The following PRMT8 variants were observed in gnomAD, a reference collection of about 807,000 sequenced individuals.
The protein encoded by PRMT8 is protein arginine N-methyltransferase 8.
In PRMT8, 7 loss-of-function variants were observed where a neutral mutation model predicts 47.1. The ratio of observed to expected loss-of-function variants is 0.15; its 90% CI spans 0.08 to 0.28. The LOEUF (loss-of-function observed/expected upper bound fraction) is 0.28, where lower values mean the gene tolerates loss of function less well. Among genes scored for constraint, PRMT8 ranks in the 10% least tolerant of loss-of-function variants. The probability of loss-of-function intolerance (pLI) is 1.00; values close to 1 mark genes in which losing one functional copy is unlikely to be tolerated. For missense variants in PRMT8, 237 were observed against 505.4 expected, an observed-to-expected ratio of 0.47 and a Z score of 5.09; for synonymous variants, 188 against 186.5, an observed-to-expected ratio of 1.01 and a Z score of -0.07.
At chr12:3,425,474 A>G (rs1167453658) in intron 1 of PRMT8, among the ~76,000 whole-genome samples, 1 of 152,236 alleles carries the variant, frequency 6.6e-6, no homozygotes, top group Admixed American at 6.5e-5. Context: ...TCTCTTTGAC[A>G]CAGATAGTGT....
At chr12:3,582,425 G>A (rs1867084581) in intron 7 of PRMT8, among the ~76,000 whole-genome samples, 1 of 152,176 alleles carries the variant, frequency 6.6e-6, no homozygotes, top group Non-Finnish European at 1.5e-5. Flanking sequence ...AAAATGGCCA[G>A]CAGAACTTTC....
In PRMT8 at chr12:3,570,142, GCT is replaced by G; in HGVS notation, c.712+580_712+581del. Among the ~76,000 whole-genome samples, 1 of 152,260 alleles carries G rather than the reference GCT, an allele frequency of 6.6e-6. No homozygotes were observed. Among genetic ancestry groups the G allele is most frequent in the East Asian group, 1.9e-4 (1 of 5,174 alleles). On this transcript the variant is annotated intron_variant, in intron 6 of 9. Transcript: ENST00000382622. The surrounding 1 kb of genome is among the most constrained non-coding windows in gnomAD (Gnocchi z 5.5). ...GTGTGCATGTGTGCATGAGGCAGGG[GCT>G]CGTATCTAAACATGTATTCTTAATG... is the stretch of plus-strand genomic sequence containing the variant.
At chr12:3,581,354 A>C (rs1198704221) in intron 7 of PRMT8, among the ~76,000 whole-genome samples, 8 of 152,168 alleles carry the variant, frequency 5.3e-5, no homozygotes, top group Non-Finnish European at 8.8e-5. Flanking sequence ...GAAGTTACAG[A>C]GGGATGAGTG....
intron 1 of PRMT8, among the ~76,000 whole-genome samples, chr12:3,393,105 G>A (rs1440466507): frequency 6.6e-6 from 1 of 152,066 alleles, no homozygotes; most frequent in Non-Finnish European, 1.5e-5. Context: ...TATAGATTCT[G>A]GATATTAGCC....
intron 6 of PRMT8, chr12:3,574,080 A>C (rs1291564940): frequency 6.6e-6 from 1 of 152,216 alleles, no homozygotes; most frequent in East Asian, 1.9e-4. Flanking sequence ...ACCCATATAA[A>C]GGTAACTAAA....
Position 3,452,720 on chromosome 12 carries a change from C to A in PRMT8, c.48+71278C>A, listed in dbSNP as rs139193502. Among the ~76,000 whole-genome samples the A allele has an allele frequency of 2.0e-3, 297 of 152,304 alleles. 1 individual carries two copies. Among genetic ancestry groups the A allele is most frequent in the African/African-American group, 7.0e-3 (292 of 41,574 alleles). The stretch of plus-strand genomic sequence containing the variant: ...GCCTCTTCCCAGGACTTCTGCCTCA[C>A]CAGGTTGGGCTTCTCAGGTCAGGCC... On this transcript the variant is annotated intron_variant, in intron 1 of 9. Coordinates refer to the PRMT8 transcript ENST00000452611.
intron 1 of PRMT8, among the ~76,000 whole-genome samples, chr12:3,477,028 G>A (rs755403799): frequency 6.6e-6 from 1 of 152,172 alleles, no homozygotes; most frequent in Non-Finnish European, 1.5e-5. Context: ...ATTGACTATA[G>A]GCGAGACCTC....
chr12:3,457,275 G>A lies in PRMT8; in HGVS notation c.48+75833G>A, dbSNP rs1864984844. ...CACAAGCTCTCAGTTCTCAACTGCT[G>A]TTCTGGGAGAATGTCCTGACTTTGC... is the stretch of plus-strand genomic sequence containing the variant. On this transcript the variant is annotated intron_variant, in intron 1 of 9. Coordinates refer to the PRMT8 transcript ENST00000452611. 5.3e-5 allele frequency among the ~76,000 whole-genome samples: 8 copies of A among 152,118 alleles called. 1 individual carries two copies. Among genetic ancestry groups the A allele is most frequent in the Admixed American group, 4.6e-4 (7 of 15,278 alleles).
chr12:3,566,955 A>G lies in PRMT8; in HGVS notation c.482-1751A>G, dbSNP rs549000218. Among the ~76,000 whole-genome samples the G allele has an allele frequency of 8.5e-5, 13 of 152,352 alleles. No individual in the cohort carries two copies. The East Asian group carries it at 2.5e-3, about 29-fold the overall frequency. On this transcript the variant is annotated intron_variant, in intron 4 of 9. Transcript: ENST00000382622. This position sits in a 1 kb window ranked among gnomAD's most constrained non-coding sequence, Gnocchi z 4.7. ...AGCTTGCTCAGATCTTTACAGCAACAAATACAAAAAGGGACTCCAAAATTA... is the reference window on the plus strand; with the variant it reads ...AGCTTGCTCAGATCTTTACAGCAACGAATACAAAAAGGGACTCCAAAATTA...
At chr12:3,592,988 C>G in intron 9 of PRMT8, 111 bp from the exon 10 acceptor site, 2 of 805,680 alleles carry the variant, frequency 2.5e-6, no homozygotes, top group Non-Finnish European at 4.2e-6. Context: ...AGCCTTAAGA[C>G]GCTGGTGCTA....
At chr12:3,512,146 G>A (rs1257788057) in intron 1 of PRMT8, among the ~76,000 whole-genome samples, 1 of 152,140 alleles carries the variant, frequency 6.6e-6, no homozygotes, top group Non-Finnish European at 1.5e-5. Context: ...ATCTCACCTG[G>A]CCAATCAGCC....
rs902159798 is a variant in PRMT8, at chr12:3,493,607, C to T, written c.75+1907C>T. On this transcript the variant is annotated intron_variant, in intron 1 of 9. Transcript: ENST00000382622. The surrounding 1 kb of genome is among the most constrained non-coding windows in gnomAD (Gnocchi z 8.2). ...CCGCAGTGTGCAGCGGCGGCTGCTG[C>T]GCTCTCCCAGCCTCGGCGAGGGTTA... Among the ~76,000 whole-genome samples, 12 of 152,116 alleles carry T rather than the reference C, an allele frequency of 7.9e-5. No individual in the cohort carries two copies. The highest frequency in any genetic ancestry group is 2.9e-4 in the African/African-American group (12 of 41,366).
chr12:3,481,211 C>T (rs1209761641), intron 1 of PRMT8, among the ~76,000 whole-genome samples: 1 of 152,214 alleles, frequency 6.6e-6, no homozygotes, highest in Non-Finnish European at 1.5e-5. Context: ...GCAGCCAGCC[C>T]AGTGCTTTCT....
intron 9 of PRMT8, 56 bp downstream of exon 9, chr12:3,592,408 G>A (rs769188577): frequency 1.4e-4 from 223 of 1,553,756 alleles, no homozygotes; most frequent in Non-Finnish European, 1.7e-4. Context: ...GAGCTGGCTC[G>A]CTCAGGACCC....
At chr12:3,560,174 G>A (rs892897940) in intron 4 of PRMT8, among the ~76,000 whole-genome samples, 3 of 152,246 alleles carry the variant, frequency 2.0e-5, no homozygotes, top group African/African-American at 7.2e-5. Context: ...CTTGGTGTGT[G>A]TACTCAGAGG....
rs192020292 is a variant in PRMT8 at position 3,453,783 on chromosome 12, C to T, written c.48+72341C>T. Among the ~76,000 whole-genome samples the T allele has an allele frequency of 6.6e-6, 1 of 152,206 alleles. No individual in the cohort carries two copies. Among genetic ancestry groups the T allele is most frequent in the Admixed American group, 6.5e-5 (1 of 15,298 alleles). On this transcript the variant is annotated intron_variant, in intron 1 of 9. Transcript: ENST00000452611. This position sits in a 1 kb window ranked among gnomAD's most constrained non-coding sequence, Gnocchi z 4.9. ...GTGGCCCGACTGTGGACCCCCTTGT[C>T]CTCCTGCCCGCTGTGTCTATTTCTC...
At chr12:3,491,810 G>A (rs1865407665) in intron 1 of PRMT8, 110 bp downstream of exon 1, 1 of 1,246,124 alleles carries the variant, frequency 8.0e-7, no homozygotes, top group Non-Finnish European at 1.1e-6. Context: ...GTTTCATCCC[G>A]CTCGCTTCTG....
intron 1 of PRMT8, among the ~76,000 whole-genome samples, chr12:3,444,854 G>A (rs1209131559): frequency 2.0e-5 from 3 of 152,230 alleles, no homozygotes; most frequent in Admixed American, 6.5e-5. Context: ...ATGCCCCTTC[G>A]GGTGCCTGGC....
At chr12:3,512,016 T>C (rs1165596519) in intron 1 of PRMT8, among the ~76,000 whole-genome samples, 2 of 152,022 alleles carry the variant, frequency 1.3e-5, no homozygotes, top group African/African-American at 4.8e-5. Flanking sequence ...CTTGGGAGTG[T>C]GGGGGGCAGT....
Sources: allele counts gnomAD v4.1 joint callset (sites outside exome capture counted in the v4.1 genomes callset), GRCh38; gene constraint gnomAD v4.1.1; non-coding constraint Gnocchi (gnomAD v3.1); transcripts MANE v1.5; gene names NCBI Gene and HGNC (gene_info 2026-07-23, HGNC 2026-07-21).